CRB2: variants seen among roughly 807,000 people sequenced by gnomAD.
CRB2 encodes the protein crumbs cell polarity complex component 2, also known as protein crumbs homolog 2.
Under a neutral mutation model 110.9 loss-of-function variants are expected in CRB2, and 85 were observed. The ratio of observed to expected loss-of-function variants is 0.77; its 90% CI spans 0.64 to 0.92. The LOEUF is 0.92. Among genes scored for constraint, CRB2 ranks in the 40% least tolerant of loss-of-function variants. CRB2 has a pLI of 0.00. For missense variants in CRB2, 1,843 were observed against 1,851.3 expected, an observed-to-expected ratio of 1.00 and a Z score of 0.08; for synonymous variants, 907 against 831.0, an observed-to-expected ratio of 1.09 and a Z score of -1.57.
At chr9:123,365,851 G>A (rs1588208399) in intron 2 of CRB2, 66 bp from the exon 3 acceptor site, 5 of 1,398,938 alleles carry the variant, frequency 3.6e-6, no homozygotes, top group Admixed American at 2.3e-5. Flanking sequence ...AGCAGGCCTG[G>A]CGCGACCTCT....
At position 123,373,434 on chromosome 9, in the gene CRB2, C is replaced by A. The variant is rs755225845; in HGVS notation, c.2903C>A (p.Ala968Asp). 2 of 1,447,654 alleles carry A rather than the reference C, an allele frequency of 1.4e-6. No individual in the cohort carries two copies. The highest frequency in any genetic ancestry group is 1.8e-6 in the Non-Finnish European group (2 of 1,105,790). The allele number at this position is 1,447,654 out of a possible 1,614,324, so 89.7% of individuals were successfully genotyped here. A position where few individuals can be genotyped will look rare whatever the true frequency, so the allele number is the denominator to read the frequency against. ...CGTCTGGCCATGGAGCGCCCGGCGG[C>A]CACCACCTCGCGCTGGCTGCTGTGG... ...RVRLAMERPA[A>D]TTSRWLLWLD... The change falls in exon 10 of 13, where the codon GCC becomes GAC. Residue 968 changes from alanine to aspartate, a missense_variant. By Grantham distance (126) the Ala-to-Asp change is moderately radical. Transcript: ENST00000373631.
In CRB2 at chr9:123,363,184, T is replaced by C; in HGVS notation, c.414T>C (p.Tyr138=). The change falls in exon 2 of 13, where the codon TAT becomes TAC. Residue 138 remains tyrosine (Y), a synonymous_variant. Coordinates refer to ENST00000373631, the MANE Select transcript of CRB2 (RefSeq NM_173689.7). ...ACGAGTGCCATTGCCCCCTTGGCTA[T>C]GCAGGTAACAGCCTGGGCCGCCCTG... ...DRYECHCPLG[Y]AGVTCEMEVD... is the part of the protein sequence containing the mutation. The C allele has an allele frequency of 6.2e-7, 1 of 1,600,812 alleles. No individual in the cohort carries two copies. Among genetic ancestry groups the C allele is most frequent in the East Asian group, 2.2e-5 (1 of 44,568 alleles).
At chr9:123,374,156 C>T (rs2042066922) in intron 10 of CRB2, 2 of 681,100 alleles carry the variant, frequency 2.9e-6, no homozygotes, top group Non-Finnish European at 5.1e-6. Flanking sequence ...CTGGGAGCCG[C>T]CTGCCGCTTA....
chr9:123,372,727 G>A (rs994832979), intron 9 of CRB2, among the ~76,000 whole-genome samples: 12 of 152,236 alleles, frequency 7.9e-5, no homozygotes, highest in African/African-American at 2.9e-4. Context: ...AGCCTCTGGA[G>A]GGTTTTAAAC....
At chr9:123,378,901 G>A (rs960845660), downstream of CRB2, 3 of 130,662 alleles carry the variant, frequency 2.3e-5, no homozygotes, top group South Asian at 5.3e-4. Context: ...TGCAACCTCC[G>A]CCTCCCAGGT....
In CRB2 at chr9:123,372,163, T is replaced by C; in HGVS notation, c.2437-14T>C. On this transcript the variant is annotated splice_polypyrimidine_tract_variant and intron_variant, in intron 8 of 12. Transcript: ENST00000373631. ...TGCAGTCCTGAGCCAACCCCTGCCC[T>C]GCCTCTCCCACAGCCTGACCCCTGT... The C allele has an allele frequency of 6.2e-7, 1 of 1,613,876 alleles. No individual in the cohort carries two copies. The highest frequency in any genetic ancestry group is 8.5e-7 in the Non-Finnish European group (1 of 1,179,890).
In CRB2 at chr9:123,377,103, T is replaced by G; in HGVS notation, c.*41T>G. On this transcript the variant is annotated 3_prime_UTR_variant, in exon 13 of 13. Transcript: ENST00000373631. ...GGCACCAGCACCTGGAGGTCCTGAA[T>G]GGTTTCTACCTGGAGACCCAAGGAA... 6.8e-7 allele frequency: 1 copy of G among 1,477,774 alleles called. No homozygotes were observed. The highest frequency in any genetic ancestry group is 9.0e-7 in the Non-Finnish European group (1 of 1,106,658). 91.5% of individuals were successfully genotyped at this position (1,477,774 alleles called of 1,614,324 possible).
At chr9:123,375,733 G>A (rs1008365689) in intron 12 of CRB2, among the ~76,000 whole-genome samples, 1 of 152,226 alleles carries the variant, frequency 6.6e-6, no homozygotes, top group Non-Finnish European at 1.5e-5. Context: ...CCAGTGTCCT[G>A]AGTAGGAAGA....
In CRB2 at chr9:123,359,886, A is replaced by C. The variant is rs935185970; in HGVS notation, c.95-2979A>C. On this transcript the variant is annotated intron_variant, in intron 1 of 12. Coordinates refer to ENST00000373631, the MANE Select transcript of CRB2 (RefSeq NM_173689.7). ...CAGCTGGGTTCTGGATAGACGGGGA[A>C]GATTGCCTGCTCTGCCCAGGCTGAT... is the stretch of plus-strand genomic sequence containing the variant. Among the ~76,000 whole-genome samples, 3 of 152,142 alleles carry C rather than the reference A, an allele frequency of 2.0e-5. No homozygotes were observed. In the East Asian group the frequency reaches 5.8e-4, roughly 29 times the overall value.
In CRB2 at chr9:123,363,172, C is replaced by T. The variant is rs1167508904; in HGVS notation, c.402C>T (p.Cys134=). 2 of 1,605,030 alleles carry T rather than the reference C, an allele frequency of 1.2e-6. No individual in the cohort carries two copies. Among genetic ancestry groups the T allele is most frequent in the African/African-American group, 1.3e-5 (1 of 74,846 alleles). Residue 134 remains cysteine (C), a synonymous_variant, in exon 2 of 13, where the codon TGC becomes TGT. Coordinates refer to ENST00000373631, the MANE Select transcript of CRB2 (RefSeq NM_173689.7). ...RNLADRYECH[C]PLGYAGVTCE... Reference sequence around the variant, plus strand: ...TGGCCGATCGCTACGAGTGCCATTGCCCCCTTGGCTATGCAGGTAACAGCC... The same window carrying T: ...TGGCCGATCGCTACGAGTGCCATTGTCCCCTTGGCTATGCAGGTAACAGCC...
chr9:123,369,624 G>A (rs549613828), intron 6 of CRB2, among the ~76,000 whole-genome samples: 2 of 152,184 alleles, frequency 1.3e-5, no homozygotes, highest in Non-Finnish European at 2.9e-5. Context: ...CAAGATTTGT[G>A]GGAAGCAGGA....
chr9:123,379,542 C>CCTAA (rs2042174342), downstream of CRB2: 1 of 152,318 alleles, frequency 6.6e-6, no homozygotes, highest in Non-Finnish European at 1.5e-5. Context: ...TGACTCCTTC[C>CCTAA]CTAACTGCTC....
At position 123,363,085 on chromosome 9, in the gene CRB2, C is replaced by A. The variant is rs149815227; in HGVS notation, c.315C>A (p.Cys105Ter). 8 of 1,611,378 alleles carry A rather than the reference C, an allele frequency of 5.0e-6. No individual in the cohort carries two copies. The highest frequency in any genetic ancestry group is 1.7e-5 in the Admixed American group (1 of 59,990). Residue 105 changes from cysteine (C) to a stop codon, truncating the protein, a stop_gained, in exon 2 of 13, where the codon TGC becomes TGA. Transcript: ENST00000373631. LOFTEE classifies it high-confidence loss of function. ...YCVPGFQGPR[C>*]ELDIDECASR... is the part of the protein sequence containing the mutation. ...TGCCGGGTTTCCAGGGCCCACGCTG[C>A]GAGCTGGACATCGATGAGTGTGCAT...
chr9:123,357,997 G>A (rs1354430707), intron 1 of CRB2, among the ~76,000 whole-genome samples: 1 of 152,270 alleles, frequency 6.6e-6, no homozygotes, highest in East Asian at 1.9e-4. Flanking sequence ...CATCAGGCCT[G>A]CTGGGTTGCC....
rs565348219 is a variant in CRB2, at chr9:123,369,030, C to G, written c.1055-1078C>G. ...GAGGCTGTGGTGTTTGTGAGCTGAT[C>G]GAGGCTGGGCTTCAAACCCTGGTGA... is the stretch of plus-strand genomic sequence containing the variant. On this transcript the variant is annotated intron_variant, in intron 6 of 12. Transcript: ENST00000373631. 8.6e-5 allele frequency: 88 copies of G among 1,018,422 alleles called. No individual in the cohort carries two copies. In the South Asian group the frequency reaches 1.6e-3, roughly 19 times the overall value. The allele number at this position is 1,018,422 out of a possible 1,614,324, so 63.1% of individuals were successfully genotyped here.
At position 123,366,400 on chromosome 9, in the gene CRB2, G is replaced by C. The variant is rs11790447; in HGVS notation, c.754+34G>C. On this transcript the variant is annotated intron_variant, in intron 4 of 12. Transcript: ENST00000373631. ...GTGCAGGTGCGCGGCCTGGCGGGGG[G>C]AGGGGTAGGTGTGCGCCTGTGCGGC... 589,723 of 1,520,434 alleles carry C rather than the reference G, an allele frequency of 0.39. 116,648 individuals are homozygous for C. The highest frequency in any genetic ancestry group is 0.41 in the Non-Finnish European group (469,353 of 1,148,722). The allele number at this position is 1,520,434 out of a possible 1,614,324, so 94.2% of individuals were successfully genotyped here. A position where few individuals can be genotyped will look rare whatever the true frequency, so the allele number is the denominator to read the frequency against.
chr9:123,362,818 C>A, intron 1 of CRB2, 47 bp from the exon 2 acceptor site: 1 of 1,521,592 alleles, frequency 6.6e-7, no homozygotes, highest in Non-Finnish European at 8.9e-7. Flanking sequence ...GGAGATTGTC[C>A]TTGTAACCTC....
chr9:123,365,910 T>A lies in CRB2; in HGVS notation c.419-7T>A, dbSNP rs373663790. 1.1e-4 allele frequency: 167 copies of A among 1,588,104 alleles called. 1 individual carries two copies. The highest frequency in any genetic ancestry group is 1.3e-4 in the Non-Finnish European group (157 of 1,174,748). ...CCTGCACCCTGTGTGTCCCCTGCCC[T>A]GTCCAGGCGTGACCTGCGAGATGGA... is the stretch of plus-strand genomic sequence containing the variant. On this transcript the variant is annotated splice_polypyrimidine_tract_variant and splice_region_variant and intron_variant, in intron 2 of 12. Coordinates refer to ENST00000373631, the MANE Select transcript of CRB2 (RefSeq NM_173689.7).
At chr9:123,367,847 G>A (rs969099984) in intron 6 of CRB2, among the ~76,000 whole-genome samples, 161 bp downstream of exon 6, 1 of 152,114 alleles carries the variant, frequency 6.6e-6, no homozygotes, top group African/African-American at 2.4e-5. Flanking sequence ...ACTGGGACTC[G>A]CTTTGGAGGT....
Sources: allele counts gnomAD v4.1 joint callset (sites outside exome capture counted in the v4.1 genomes callset), GRCh38; gene constraint gnomAD v4.1.1; transcripts MANE v1.5; gene names NCBI Gene and HGNC (gene_info 2026-07-23, HGNC 2026-07-21).